SDK1: variants seen among roughly 807,000 people sequenced by gnomAD.
SDK1 encodes the protein sidekick cell adhesion molecule 1.
In SDK1, 157 loss-of-function variants were observed where a neutral mutation model predicts 245.5. That is an observed-to-expected ratio of 0.64 (90% confidence interval 0.56 to 0.73). The LOEUF (loss-of-function observed/expected upper bound fraction) is 0.73, where lower values mean the gene tolerates loss of function less well. SDK1 is among the 30% of genes least tolerant of loss of function. The pLI, the probability that SDK1 is intolerant of heterozygous loss-of-function variation, is 0.00. For synonymous variants in SDK1, 1,647 were observed against 1,278.5 expected (o/e 1.29, Z -6.15); for missense variants, 3,583 against 3,002.3 (o/e 1.19, Z -4.52).
chr7:3,612,432 A>C (rs978728600), intron 1 of SDK1, among the ~76,000 whole-genome samples: 12 of 152,188 alleles, frequency 7.9e-5, no homozygotes. Flanking sequence ...AGCACATTGC[A>C]CTGTGAGATT....
chr7:3,517,533 T>C (rs1168960615), intron 1 of SDK1, among the ~76,000 whole-genome samples: 2 of 152,192 alleles, frequency 1.3e-5, no homozygotes, highest in Non-Finnish European at 2.9e-5. Flanking sequence ...ATTGACCTGT[T>C]GCATTAGGAA....
intron 35 of SDK1, among the ~76,000 whole-genome samples, chr7:4,191,119 A>G (rs540308363): frequency 6.6e-6 from 1 of 152,216 alleles, no homozygotes; most frequent in East Asian, 1.9e-4. Flanking sequence ...CTCACTCCTG[A>G]GACTGGCCCC....
intron 1 of SDK1, among the ~76,000 whole-genome samples, chr7:3,598,274 G>A (rs1014631739): frequency 1.3e-5 from 2 of 152,038 alleles, no homozygotes; most frequent in African/African-American, 2.4e-5. Flanking sequence ...TGATGAGTAG[G>A]CATTCTTTAT....
At chr7:3,710,104 CTTTTATG>C (rs2115017249) in intron 4 of SDK1, among the ~76,000 whole-genome samples, 1 of 152,274 alleles carries the variant, frequency 6.6e-6, no homozygotes, top group East Asian at 1.9e-4. Flanking sequence ...GTTCACAAAC[CTTTTATG>C]TTTTAAGCTG....
At chr7:3,997,763 G>A (rs1384900147) in intron 14 of SDK1, among the ~76,000 whole-genome samples, 1 of 152,104 alleles carries the variant, frequency 6.6e-6, no homozygotes. Flanking sequence ...TGGCAGCCCT[G>A]CCCCCAGCCT....
chr7:3,303,675 A>T (rs75332112), intron 1 of SDK1, among the ~76,000 whole-genome samples: 6,525 of 152,274 alleles, frequency 0.043, 438 homozygotes, highest in African/African-American at 0.14. Flanking sequence ...GTAAAATTTC[A>T]GATAGGTTGT....
At chr7:3,352,542 G>C (rs929035747) in intron 1 of SDK1, among the ~76,000 whole-genome samples, 26 of 152,104 alleles carry the variant, frequency 1.7e-4, no homozygotes, top group Non-Finnish European at 2.6e-4. Context: ...AGCTGTGCCT[G>C]TAGTTACGTG....
At chr7:4,245,369 C>G (rs946229497) in intron 43 of SDK1, among the ~76,000 whole-genome samples, 2 of 152,180 alleles carry the variant, frequency 1.3e-5, no homozygotes, top group South Asian at 2.1e-4. Context: ...GGCCTCCTAT[C>G]TGTCCCGACC....
At chr7:4,225,704 G>C (rs1785398490) in intron 40 of SDK1, among the ~76,000 whole-genome samples, 1 of 152,176 alleles carries the variant, frequency 6.6e-6, no homozygotes, top group African/African-American at 2.4e-5. Flanking sequence ...CCTCAGAGTG[G>C]CTTGCCTAAC....
chr7:4,152,317 C>T (rs1780439531), intron 30 of SDK1, among the ~76,000 whole-genome samples: 1 of 152,222 alleles, frequency 6.6e-6, no homozygotes, highest in African/African-American at 2.4e-5. Flanking sequence ...CAGATACCAT[C>T]CTCCCAGAGC....
At chr7:3,395,337 CTTT>C (rs1183974499) in intron 1 of SDK1, among the ~76,000 whole-genome samples, 1 of 151,648 alleles carries the variant, frequency 6.6e-6, no homozygotes, top group African/African-American at 2.4e-5. Context: ...GGCTTATCAT[CTTT>C]TTTTATATGT....
intron 4 of SDK1, among the ~76,000 whole-genome samples, chr7:3,671,599 A>T (rs2128662953): frequency 6.6e-6 from 1 of 152,330 alleles, no homozygotes; most frequent in Admixed American, 6.5e-5. Flanking sequence ...TTTAAGACTG[A>T]GTCAATAGAA....
intron 4 of SDK1, among the ~76,000 whole-genome samples, chr7:3,674,639 C>T (rs1583295349): frequency 2.0e-5 from 3 of 152,074 alleles, no homozygotes; most frequent in African/African-American, 4.8e-5. Flanking sequence ...TCCATAAATA[C>T]GGACAAAGGG....
intron 1 of SDK1, among the ~76,000 whole-genome samples, chr7:3,585,671 G>T (rs890609590): frequency 3.3e-5 from 5 of 152,190 alleles, no homozygotes; most frequent in African/African-American, 1.2e-4. Context: ...CAGGTGTGCT[G>T]AGGTGGCTCT....
At chr7:3,403,056 T>A (rs201499526) in intron 1 of SDK1, among the ~76,000 whole-genome samples, 29 of 152,256 alleles carry the variant, frequency 1.9e-4, no homozygotes, top group African/African-American at 7.0e-4. Context: ...TGCCTCAGCC[T>A]TCCCAGTAGC....
chr7:4,165,284 G>A (rs1435345514), intron 32 of SDK1, among the ~76,000 whole-genome samples: 4 of 152,064 alleles, frequency 2.6e-5, no homozygotes, highest in African/African-American at 7.2e-5. Flanking sequence ...GCTTAAACCC[G>A]GGAGGTGGAG....
At chr7:3,334,010 C>A in intron 1 of SDK1, among the ~76,000 whole-genome samples, 1 of 152,176 alleles carries the variant, frequency 6.6e-6, no homozygotes, top group East Asian at 1.9e-4. Flanking sequence ...GTGGCTACAT[C>A]ACACTTAGTT....
At chr7:3,594,298 A>G (rs1780982786) in intron 1 of SDK1, among the ~76,000 whole-genome samples, 1 of 152,200 alleles carries the variant, frequency 6.6e-6, no homozygotes, top group African/African-American at 2.4e-5. Context: ...ATTCCTTTTT[A>G]TTGCAGATTA....
At chr7:3,687,727 G>C (rs115859085) in intron 4 of SDK1, among the ~76,000 whole-genome samples, 8,397 of 152,290 alleles carry the variant, frequency 0.055, 336 homozygotes, top group African/African-American at 0.1. Flanking sequence ...AAGCAGCGGA[G>C]AGAGGATAGA....
Sources: allele counts gnomAD v4.1 joint callset (sites outside exome capture counted in the v4.1 genomes callset), GRCh38; gene constraint gnomAD v4.1.1; transcripts MANE v1.5; gene names NCBI Gene and HGNC (gene_info 2026-07-23, HGNC 2026-07-21).